Variants in SLC24A3 observed in about 807,000 individuals in gnomAD.
SLC24A3 encodes solute carrier family 24 member 3.
SLC24A3 carries 28 observed loss-of-function variants against 75.8 expected under a neutral mutation model. That is an observed-to-expected ratio of 0.37 (90% CI 0.27 to 0.51). SLC24A3 has a LOEUF of 0.51. SLC24A3 is among the 20% of genes least tolerant of loss of function. The pLI, the probability that SLC24A3 is intolerant of heterozygous loss-of-function variation, is 0.94. For synonymous variants in SLC24A3, 372 were observed against 334.1 expected (o/e 1.11, Z -1.24); for missense variants, 663 against 847.8 (o/e 0.78, Z 2.71).
intron 2 of SLC24A3, among the ~76,000 whole-genome samples, chr20:19,292,324 G>T (rs1983960818): frequency 6.6e-6 from 1 of 152,196 alleles, no homozygotes; most frequent in Admixed American, 6.5e-5. Flanking sequence ...TATTATTCAT[G>T]CTGCTGATTC....
chr20:19,553,465 A>G (rs1373591698), intron 3 of SLC24A3, among the ~76,000 whole-genome samples: 1 of 152,174 alleles, frequency 6.6e-6, no homozygotes, highest in Non-Finnish European at 1.5e-5. Flanking sequence ...GGAAGGGTAG[A>G]ATGACCTCTC....
chr20:19,540,358 C>T (rs533334675), intron 3 of SLC24A3, among the ~76,000 whole-genome samples: 3 of 152,290 alleles, frequency 2.0e-5, no homozygotes, highest in East Asian at 3.9e-4. Flanking sequence ...TGGTGCTCCT[C>T]GAGAGAGACC....
intron 2 of SLC24A3, among the ~76,000 whole-genome samples, chr20:19,440,645 G>GTTT (rs11469517): frequency 7.6e-6 from 1 of 131,386 alleles, no homozygotes; most frequent in African/African-American, 2.7e-5. Flanking sequence ...AGGCCTCACT[G>GTTT]TTTTTTTTTT....
intron 2 of SLC24A3, among the ~76,000 whole-genome samples, chr20:19,486,312 A>G (rs537370806): frequency 5.9e-5 from 9 of 152,206 alleles, no homozygotes; most frequent in South Asian, 4.1e-4. Flanking sequence ...GGAGTTAACT[A>G]CCAGAGAATT....
At chr20:19,486,989 G>A (rs763170522) in intron 2 of SLC24A3, among the ~76,000 whole-genome samples, 9 of 152,326 alleles carry the variant, frequency 5.9e-5, no homozygotes, top group Non-Finnish European at 1.0e-4. Flanking sequence ...ATTGGGGCCC[G>A]TCAAACCTGG....
At chr20:19,592,797 C>CTTTT (rs11480179) in intron 6 of SLC24A3, among the ~76,000 whole-genome samples, 1 of 126,750 alleles carries the variant, frequency 7.9e-6, no homozygotes, top group Non-Finnish European at 1.6e-5. Context: ...TTCTTTCTTT[C>CTTTT]TTTTTTTTTT....
At chr20:19,360,098 C>T (rs756318291) in intron 2 of SLC24A3, among the ~76,000 whole-genome samples, 1 of 152,156 alleles carries the variant, frequency 6.6e-6, no homozygotes, top group Non-Finnish European at 1.5e-5. Context: ...GGGAGACCTC[C>T]AACAGTGCTA....
At chr20:19,539,903 C>T (rs1052351949) in intron 3 of SLC24A3, among the ~76,000 whole-genome samples, 7 of 152,164 alleles carry the variant, frequency 4.6e-5, no homozygotes, top group African/African-American at 1.7e-4. Context: ...TCTTCTTAGC[C>T]TCTCTGACTT....
intron 4 of SLC24A3, among the ~76,000 whole-genome samples, chr20:19,582,444 C>T (rs1431662111): frequency 6.6e-6 from 1 of 152,174 alleles, no homozygotes; most frequent in Non-Finnish European, 1.5e-5. Context: ...CAGATTCTCG[C>T]TCAGTCTCAA....
At chr20:19,527,099 A>G (rs1263121135) in intron 3 of SLC24A3, among the ~76,000 whole-genome samples, 1 of 151,980 alleles carries the variant, frequency 6.6e-6, no homozygotes, top group African/African-American at 2.4e-5. Context: ...TCTCCCTGAA[A>G]TCCAACTACA....
intron 15 of SLC24A3, among the ~76,000 whole-genome samples, chr20:19,699,420 A>G (rs2032846517): frequency 6.6e-6 from 1 of 152,234 alleles, no homozygotes. Flanking sequence ...GACTCACATC[A>G]GCCAAATTCA....
At chr20:19,214,673 G>C (rs562197122) in intron 1 of SLC24A3, among the ~76,000 whole-genome samples, 164 of 152,220 alleles carry the variant, frequency 1.1e-3, no homozygotes, top group African/African-American at 3.8e-3. Flanking sequence ...CTGGGATTTG[G>C]GAGGAGAGGA....
rs537385542 is a variant in SLC24A3, at chr20:19,639,030, C to G, written c.613-15032C>G. Reference sequence around the variant, plus strand: ...CCCCAGTGGGTTGCCACTGCTGGCTCCGGCAGCCTGCTTTTATTCTCTTAT... The same window carrying G: ...CCCCAGTGGGTTGCCACTGCTGGCTGCGGCAGCCTGCTTTTATTCTCTTAT... On this transcript the variant is annotated intron_variant, in intron 6 of 16. Transcript: ENST00000328041. 3.9e-3 allele frequency among the ~76,000 whole-genome samples: 589 copies of G among 152,294 alleles called. 2 individuals carry two copies. The highest frequency in any genetic ancestry group is 6.8e-3 in the Non-Finnish European group (465 of 68,016).
intron 2 of SLC24A3, among the ~76,000 whole-genome samples, chr20:19,355,973 C>T (rs1001302003): frequency 6.6e-6 from 1 of 152,090 alleles, no homozygotes; most frequent in Non-Finnish European, 1.5e-5. Flanking sequence ...GCTCAATTCA[C>T]TTTAGAGACC....
At chr20:19,371,971 G>T (rs940527360) in intron 2 of SLC24A3, among the ~76,000 whole-genome samples, 22 of 152,206 alleles carry the variant, frequency 1.4e-4, no homozygotes, top group Middle Eastern at 3.4e-3. Flanking sequence ...GAGGCAAGAT[G>T]GTAAATCCCT....
At chr20:19,337,883 T>A (rs1443475506) in intron 2 of SLC24A3, among the ~76,000 whole-genome samples, 3 of 152,256 alleles carry the variant, frequency 2.0e-5, no homozygotes, top group East Asian at 3.9e-4. Flanking sequence ...TTGCCTCTCA[T>A]CACTCAGTAG....
At chr20:19,521,950 G>A (rs184753641) in intron 3 of SLC24A3, among the ~76,000 whole-genome samples, 3 of 151,928 alleles carry the variant, frequency 2.0e-5, no homozygotes, top group East Asian at 1.9e-4. Flanking sequence ...TTTCAAGGAT[G>A]TCTTTTCACT....
intron 1 of SLC24A3, among the ~76,000 whole-genome samples, chr20:19,230,661 TGG>T (rs5840835): frequency 1.9e-5 from 2 of 103,018 alleles, no homozygotes; most frequent in African/African-American, 6.3e-5. Context: ...GACATATTGA[TGG>T]GGGGGGTGCC....
At chr20:19,360,017 G>A (rs2122338421) in intron 2 of SLC24A3, among the ~76,000 whole-genome samples, 1 of 152,258 alleles carries the variant, frequency 6.6e-6, no homozygotes, top group Non-Finnish European at 1.5e-5. Flanking sequence ...TAAAGTCTTA[G>A]CACACTCCTA....
Sources: gnomAD v4.1 joint callset for allele counts (sites outside exome capture counted in the v4.1 genomes callset) on GRCh38, gnomAD v4.1.1 for gene constraint, MANE v1.5 for transcripts, NCBI Gene and HGNC (gene_info 2026-07-23, HGNC 2026-07-21) for gene names.